The following SDK1 variants were observed in gnomAD, a reference collection of about 807,000 sequenced individuals.
SDK1 encodes the protein protein sidekick-1.
In SDK1, 157 loss-of-function variants were observed where a neutral mutation model predicts 245.5. The observed-to-expected ratio is 0.64, with a 90% CI of 0.56 to 0.73. SDK1 has a LOEUF of 0.73. SDK1 is among the 30% of genes least tolerant of loss of function. The pLI is 0.00. For missense variants in SDK1, 3,583 were observed against 3,002.3 expected (o/e 1.19, Z -4.52); for synonymous variants, 1,647 against 1,278.5 (o/e 1.29, Z -6.15).
chr7:4,150,013 G>A (rs780014137), intron 30 of SDK1, among the ~76,000 whole-genome samples: 33 of 152,112 alleles, frequency 2.2e-4, no homozygotes, highest in Non-Finnish European at 4.4e-4. Context: ...TGGACCTCTG[G>A]GCTCAGCATG....
intron 4 of SDK1, among the ~76,000 whole-genome samples, chr7:3,793,392 T>G (rs190225830): frequency 6.6e-6 from 1 of 152,188 alleles, no homozygotes; most frequent in African/African-American, 2.4e-5. Context: ...GAAGATCTTA[T>G]GCTCTACAAG....
chr7:3,690,628 C>G (rs1784415566), intron 4 of SDK1, among the ~76,000 whole-genome samples: 1 of 152,048 alleles, frequency 6.6e-6, no homozygotes, highest in Non-Finnish European at 1.5e-5. Flanking sequence ...AGATAAGTCA[C>G]CAGGAAGACA....
intron 38 of SDK1, among the ~76,000 whole-genome samples, chr7:4,217,312 C>G (rs1784868546): frequency 7.9e-6 from 1 of 127,136 alleles, no homozygotes; most frequent in African/African-American, 3.0e-5. Flanking sequence ...AGAACCAGGC[C>G]ACCCGGAGCA....
intron 1 of SDK1, among the ~76,000 whole-genome samples, chr7:3,532,038 C>T (rs1327416426): frequency 6.6e-6 from 1 of 152,202 alleles, no homozygotes; most frequent in Non-Finnish European, 1.5e-5. Context: ...ACTTCAAGGA[C>T]TGAAATCCTA....
chr7:3,785,704 TA>T (rs753617808), intron 4 of SDK1, among the ~76,000 whole-genome samples: 59 of 151,504 alleles, frequency 3.9e-4, no homozygotes, highest in African/African-American at 7.0e-4. Context: ...GGCATTTATT[TA>T]AAAAAAAATA....
rs147365258 is a variant in SDK1, at chr7:3,365,603, A to C, written c.298+63719A>C. Among the ~76,000 whole-genome samples, 4 of 152,356 alleles carry C rather than the reference A, an allele frequency of 2.6e-5. No homozygotes were observed. In the East Asian group the frequency reaches 5.8e-4, roughly 22 times the overall value. ...ATCTTACTATACACATAAATGTTTT[A>C]AAATTGCTGTATTAAAATTAAAACT... On this transcript the variant is annotated intron_variant, in intron 1 of 44. Transcript: ENST00000404826.
chr7:3,876,715 C>A (rs941955100), intron 5 of SDK1, among the ~76,000 whole-genome samples: 9 of 152,152 alleles, frequency 5.9e-5, no homozygotes, highest in African/African-American at 2.2e-4. Flanking sequence ...TGGATACTTA[C>A]TGTCTTTTCT....
intron 1 of SDK1, among the ~76,000 whole-genome samples, chr7:3,325,794 T>C: frequency 6.6e-6 from 1 of 152,180 alleles, no homozygotes; most frequent in East Asian, 1.9e-4. Context: ...TGAATTTCTC[T>C]GACATTCTGC....
intron 1 of SDK1, among the ~76,000 whole-genome samples, chr7:3,497,165 T>C (rs1782050379): frequency 6.6e-6 from 1 of 152,188 alleles, no homozygotes; most frequent in Admixed American, 6.5e-5. Context: ...AGAAACTCTT[T>C]TTAGTTAGAA....
intron 1 of SDK1, among the ~76,000 whole-genome samples, chr7:3,323,834 G>C (rs909672295): frequency 2.4e-4 from 36 of 152,286 alleles, no homozygotes; most frequent in Middle Eastern, 3.4e-3. Context: ...GAACATTTTT[G>C]AATTCTGCCT....
intron 1 of SDK1, among the ~76,000 whole-genome samples, chr7:3,349,450 C>G (rs1780598698): frequency 6.6e-6 from 1 of 152,078 alleles, no homozygotes; most frequent in South Asian, 2.1e-4. Context: ...GGCTATTGGA[C>G]CTGAGTGACT....
chr7:4,093,666 C>T (rs7779346), intron 22 of SDK1, among the ~76,000 whole-genome samples: 1 of 152,064 alleles, frequency 6.6e-6, no homozygotes, highest in African/African-American at 2.4e-5. Context: ...GACGCCGAGG[C>T]TGCCGGCGGC....
intron 1 of SDK1, among the ~76,000 whole-genome samples, chr7:3,333,712 C>T (rs569510099): frequency 5.9e-5 from 9 of 152,302 alleles, no homozygotes; most frequent in South Asian, 2.1e-4. Context: ...ACAACTTTGA[C>T]GATGGTATTG....
intron 4 of SDK1, among the ~76,000 whole-genome samples, chr7:3,742,596 T>G (rs992191785): frequency 1.1e-4 from 16 of 152,346 alleles, no homozygotes; most frequent in Admixed American, 1.3e-4. Flanking sequence ...TCACTTCTCT[T>G]TAGCATTTTT....
chr7:3,886,344 G>A (rs536098380), intron 5 of SDK1, among the ~76,000 whole-genome samples: 5 of 152,344 alleles, frequency 3.3e-5, no homozygotes, highest in Admixed American at 6.5e-5. Flanking sequence ...ATAGGAAGTC[G>A]GCCAGCATGC....
At chr7:3,427,291 G>T (rs756411064) in intron 1 of SDK1, among the ~76,000 whole-genome samples, 7 of 152,192 alleles carry the variant, frequency 4.6e-5, no homozygotes, top group Non-Finnish European at 8.8e-5. Flanking sequence ...GGCCGAGACA[G>T]ACGGATTGCC....
intron 1 of SDK1, among the ~76,000 whole-genome samples, chr7:3,565,227 C>G (rs559236552): frequency 2.6e-4 from 40 of 152,140 alleles, no homozygotes; most frequent in African/African-American, 8.9e-4. Context: ...ATGGCCTCTA[C>G]TTCACCTCCC....
At chr7:3,821,684 TC>T in intron 5 of SDK1, 101 bp downstream of exon 5, 1 of 1,296,956 alleles carries the variant, frequency 7.7e-7, no homozygotes, top group African/African-American at 1.5e-5. Flanking sequence ...ATTTTCTCTC[TC>T]TAGTGTAGTA....
At chr7:3,533,052 C>G (rs1783402836) in intron 1 of SDK1, among the ~76,000 whole-genome samples, 1 of 152,204 alleles carries the variant, frequency 6.6e-6, no homozygotes, top group South Asian at 2.1e-4. Flanking sequence ...TCCAATTATT[C>G]TATCAAATTA....
Sources: allele counts gnomAD v4.1 joint callset (sites outside exome capture counted in the v4.1 genomes callset), GRCh38; gene constraint gnomAD v4.1.1; transcripts MANE v1.5; gene names NCBI Gene and HGNC (gene_info 2026-07-23, HGNC 2026-07-21).